Variants in KIAA1217 observed in about 807,000 individuals in gnomAD.
KIAA1217 encodes KIAA1217, also known as sickle tail protein homolog.
KIAA1217 carries 88 observed loss-of-function variants against 163.9 expected under a neutral mutation model. The ratio of observed to expected loss-of-function variants is 0.54; its 90% CI spans 0.45 to 0.64. The LOEUF is 0.64. KIAA1217 is among the 30% of genes least tolerant of loss of function. The pLI is 0.00. For synonymous variants in KIAA1217, 903 were observed against 923.1 expected (o/e 0.98, Z 0.39); for missense variants, 2,372 against 2,475.0 (o/e 0.96, Z 0.88).
chr10:24,226,442 C>A (rs901656162), intron 2 of KIAA1217, among the ~76,000 whole-genome samples: 11 of 151,328 alleles, frequency 7.3e-5, no homozygotes, highest in African/African-American at 2.4e-4. Context: ...CTGGCTAACA[C>A]GGTGAAACCC....
At chr10:23,705,756 T>C (rs1447783676) in intron 1 of KIAA1217, among the ~76,000 whole-genome samples, 1 of 152,164 alleles carries the variant, frequency 6.6e-6, no homozygotes, top group Non-Finnish European at 1.5e-5. Flanking sequence ...TAGGGCCTGC[T>C]TATCAATTTC....
intron 10 of KIAA1217, among the ~76,000 whole-genome samples, chr10:24,518,722 G>A (rs2070610986): frequency 6.6e-6 from 1 of 152,154 alleles, no homozygotes; most frequent in Non-Finnish European, 1.5e-5. Flanking sequence ...TCAGTGAGGT[G>A]GCACAATCTC....
At chr10:23,928,572 A>G (rs921340558) in intron 1 of KIAA1217, among the ~76,000 whole-genome samples, 1 of 152,220 alleles carries the variant, frequency 6.6e-6, no homozygotes, top group Non-Finnish European at 1.5e-5. Context: ...TGAACAGGGC[A>G]TGACAGGATC....
In KIAA1217 at chr10:23,792,421, T is replaced by A. The variant is rs1421624721; in HGVS notation, c.-321+97187T>A. Among the ~76,000 whole-genome samples, 4 of 152,286 alleles carry A rather than the reference T, an allele frequency of 2.6e-5. No homozygotes were observed. In the East Asian group the frequency reaches 7.7e-4, roughly 29 times the overall value. On this transcript the variant is annotated intron_variant, in intron 1 of 18. Transcript: ENST00000376462. ...CTTTCCGCATATTAGTCTTTTTGAA[T>A]GGACCTAACTTGAATGTCATTACTG...
chr10:24,398,555 A>G (rs187427010), intron 3 of KIAA1217, among the ~76,000 whole-genome samples: 70 of 152,308 alleles, frequency 4.6e-4, no homozygotes, highest in Non-Finnish European at 1.0e-4. Context: ...AGAAAGCTTT[A>G]GAACAGGAAA....
intron 1 of KIAA1217, among the ~76,000 whole-genome samples, chr10:23,704,172 G>GTATATATATATATATATA (rs35533445): frequency 3.0e-4 from 12 of 39,940 alleles, no homozygotes; most frequent in Non-Finnish European, 4.1e-4. Flanking sequence ...GTGTGTGTGT[G>GTATATATATATATATATA]TATATATATA....
intron 9 of KIAA1217, among the ~76,000 whole-genome samples, chr10:24,510,198 C>T (rs2068913327): frequency 1.3e-5 from 2 of 152,194 alleles, no homozygotes. Flanking sequence ...CCTAACTGTG[C>T]TCTCTAATTG....
At chr10:23,842,605 C>T (rs1287747261) in intron 1 of KIAA1217, among the ~76,000 whole-genome samples, 2 of 152,036 alleles carry the variant, frequency 1.3e-5, no homozygotes, top group African/African-American at 4.8e-5. Flanking sequence ...AACTGAACTA[C>T]TTCAAAACTC....
intron 2 of KIAA1217, among the ~76,000 whole-genome samples, chr10:24,147,828 GTC>G (rs2064392161): frequency 1.9e-5 from 1 of 51,530 alleles, no homozygotes; most frequent in Admixed American, 3.3e-4. Flanking sequence ...GTGATACTCT[GTC>G]TCAAAAAAAA....
At chr10:24,207,282 T>TCTCTCTCTCACACA (rs529791287), upstream of KIAA1217, among the ~76,000 whole-genome samples, 1 of 140,236 alleles carries the variant, frequency 7.1e-6, no homozygotes, top group African/African-American at 2.9e-5. Flanking sequence ...TCTCTCTCTC[T>TCTCTCTCTCACACA]CACACACACA....
intron 1 of KIAA1217, among the ~76,000 whole-genome samples, chr10:23,771,227 G>T (rs534372646): frequency 6.6e-6 from 1 of 152,240 alleles, no homozygotes; most frequent in South Asian, 2.1e-4. Flanking sequence ...CCAATCTGTA[G>T]AGTCTCTGCA....
At chr10:24,286,113 A>C (rs1454649577) in intron 2 of KIAA1217, among the ~76,000 whole-genome samples, 1 of 152,152 alleles carries the variant, frequency 6.6e-6, no homozygotes, top group Non-Finnish European at 1.5e-5. Context: ...GCCTTTTGGC[A>C]AAGTCTAGGT....
intron 5 of KIAA1217, among the ~76,000 whole-genome samples, chr10:24,448,835 C>T (rs2061171303): frequency 1.3e-5 from 2 of 152,208 alleles, no homozygotes; most frequent in South Asian, 4.1e-4. Flanking sequence ...CAGATCCTTC[C>T]TCTGGTCTCA....
At chr10:24,383,505 G>C (rs547824305) in intron 3 of KIAA1217, among the ~76,000 whole-genome samples, 1 of 152,304 alleles carries the variant, frequency 6.6e-6, no homozygotes, top group South Asian at 2.1e-4. Flanking sequence ...GTTTTCGCAC[G>C]GGGTGGCCAC....
intron 1 of KIAA1217, among the ~76,000 whole-genome samples, chr10:23,865,137 C>A (rs949938182): frequency 6.6e-6 from 1 of 152,110 alleles, no homozygotes; most frequent in African/African-American, 2.4e-5. Flanking sequence ...GCTTTTTTCT[C>A]ACCAACAAGG....
At chr10:23,707,152 A>T (rs953013442) in intron 1 of KIAA1217, among the ~76,000 whole-genome samples, 1 of 152,156 alleles carries the variant, frequency 6.6e-6, no homozygotes, top group Non-Finnish European at 1.5e-5. Flanking sequence ...ATAATTACAA[A>T]CTAAATGTAA....
chr10:24,154,067 T>C (rs61850366), intron 2 of KIAA1217, among the ~76,000 whole-genome samples: 38 of 150,724 alleles, frequency 2.5e-4, no homozygotes, highest in African/African-American at 7.0e-4. Context: ...ACGCCATTCT[T>C]CTGCCTCAGC....
chr10:24,059,557 T>C (rs1430861504), intron 2 of KIAA1217, among the ~76,000 whole-genome samples: 1 of 152,124 alleles, frequency 6.6e-6, no homozygotes, highest in Non-Finnish European at 1.5e-5. Flanking sequence ...TTACTAGTTA[T>C]GTCTATGCCA....
At chr10:23,993,768 CG>C (rs915089065) in intron 1 of KIAA1217, among the ~76,000 whole-genome samples, 1 of 151,208 alleles carries the variant, frequency 6.6e-6, no homozygotes, top group Non-Finnish European at 1.5e-5. Context: ...TAGCAGAAAA[CG>C]GGGTTTCACC....
Sources: gnomAD v4.1 joint callset for allele counts (sites outside exome capture counted in the v4.1 genomes callset) on GRCh38, gnomAD v4.1.1 for gene constraint, MANE v1.5 for transcripts, NCBI Gene and HGNC (gene_info 2026-07-23, HGNC 2026-07-21) for gene names.